The following SLCO1C1 variants were observed in gnomAD, a reference collection of about 807,000 sequenced individuals.
SLCO1C1 encodes the protein solute carrier organic anion transporter family member 1C1, also known as OAT-RP-5.
SLCO1C1 carries 70 observed loss-of-function variants against 76.4 expected under a neutral mutation model. The ratio of observed to expected loss-of-function variants is 0.92; its 90% CI spans 0.76 to 1.12. The LOEUF is 1.12. Ranked by LOEUF, SLCO1C1 falls within the 50% of genes most tolerant of loss-of-function variation. The pLI is 0.00. For missense variants in SLCO1C1, 912 were observed against 823.8 expected (o/e 1.11, Z -1.31); for synonymous variants, 306 against 286.1 (o/e 1.07, Z -0.70).
intron 3 of SLCO1C1, among the ~76,000 whole-genome samples, chr12:20,702,645 G>A (rs530922646): frequency 1.1e-4 from 16 of 151,678 alleles, no homozygotes; most frequent in Admixed American, 4.0e-4. Context: ...AGATTGGCCC[G>A]GATGGTTGAT....
Position 20,706,080 on chromosome 12 carries a change from C to T in SLCO1C1, c.403C>T (p.Gln135Ter). ...LIAMPQFFMEQYKYERYSPSS... is the reference protein window; with the variant it reads ...LIAMPQFFME ...TGCAATGCCTCAGTTCTTCATGGAGCAGTAAGTCTAAAGCAATCATCTTTT... is the reference window on the plus strand; with the variant it reads ...TGCAATGCCTCAGTTCTTCATGGAGTAGTAAGTCTAAAGCAATCATCTTTT... Residue 135 changes from glutamine (Q) to a stop codon, truncating the protein, a stop_gained and splice_region_variant, in exon 4 of 15, where the codon CAG (glutamine) becomes TAG (stop). Coordinates refer to ENST00000266509, the MANE Select transcript of SLCO1C1 (RefSeq NM_017435.5). LOFTEE classifies it high-confidence loss of function. 1 of 1,610,954 alleles carries T rather than the reference C, an allele frequency of 6.2e-7. No homozygotes were observed. The highest frequency in any genetic ancestry group is 1.1e-5 in the South Asian group (1 of 90,620).
chr12:20,747,086 A>G (rs566594588), intron 13 of SLCO1C1, among the ~76,000 whole-genome samples: 52 of 152,332 alleles, frequency 3.4e-4, no homozygotes, highest in African/African-American at 1.2e-3. Context: ...TGAAATATAC[A>G]TAATTGAAAT....
At chr12:20,699,430 G>A (rs1946413331) in intron 1 of SLCO1C1, 122 bp from the exon 2 acceptor site, 3 of 803,798 alleles carry the variant, frequency 3.7e-6, no homozygotes, top group Middle Eastern at 4.0e-4. Context: ...AACTTACTGT[G>A]ACAACAAAAG....
At chr12:20,750,994 ACCC>A in intron 14 of SLCO1C1, 1 of 978,936 alleles carries the variant, frequency 1.0e-6, no homozygotes. Context: ...CATTACCTTG[ACCC>A]CCATTTTAAA....
chr12:20,702,186 T>G (rs1946558307), intron 3 of SLCO1C1, among the ~76,000 whole-genome samples: 1 of 151,972 alleles, frequency 6.6e-6, no homozygotes, highest in African/African-American at 2.4e-5. Flanking sequence ...AAGGCTTGTT[T>G]AGATTCAGAT....
At chr12:20,740,787 T>TATATATATATATATATATATATATATA (rs1565541668) in intron 12 of SLCO1C1, among the ~76,000 whole-genome samples, 4 of 75,058 alleles carry the variant, frequency 5.3e-5, no homozygotes, top group African/African-American at 5.4e-5. Flanking sequence ...TTTATTTTAT[T>TATATATATATATATATATATATATATA]TATATATATA....
intron 9 of SLCO1C1, among the ~76,000 whole-genome samples, chr12:20,725,227 G>T (rs7969673): frequency 0.64 from 85,605 of 134,778 alleles, 27,877 homozygotes; most frequent in East Asian, 0.96. Flanking sequence ...TATAGTTAAA[G>T]AAAGAAAAAA....
chr12:20,711,529 C>T lies in SLCO1C1; in HGVS notation c.529+19C>T. 2 of 1,609,520 alleles carry T rather than the reference C, an allele frequency of 1.2e-6. No individual in the cohort carries two copies. Among genetic ancestry groups the T allele is most frequent in the East Asian group, 2.2e-5 (1 of 44,788 alleles). The stretch of plus-strand genomic sequence containing the variant: ...AGTAACGGTAAGATCATTTTTTTGA[C>T]TTGACTAAACAAGCTTTTAAAAAAA... On this transcript the variant is annotated intron_variant, in intron 5 of 14. Transcript: ENST00000266509.
intron 10 of SLCO1C1, among the ~76,000 whole-genome samples, chr12:20,736,225 G>T (rs1038149698): frequency 6.6e-6 from 1 of 151,398 alleles, no homozygotes; most frequent in Non-Finnish European, 1.5e-5. Flanking sequence ...AGAGAATACT[G>T]GGAGAGATGA....
chr12:20,722,213 G>A (rs1372408069), intron 8 of SLCO1C1, among the ~76,000 whole-genome samples, 164 bp downstream of exon 8: 1 of 152,216 alleles, frequency 6.6e-6, no homozygotes, highest in Admixed American at 6.5e-5. Flanking sequence ...ACAACTGATT[G>A]CAGTACACGA....
Position 20,737,214 on chromosome 12 carries a change from C to T in SLCO1C1, c.1490C>T (p.Thr497Ile). The change falls in exon 11 of 15, where the codon ACA (threonine) becomes ATA (isoleucine). Residue 497 changes from threonine (T) to isoleucine (I), a missense_variant. Thr to Ile is a moderately conservative substitution (Grantham distance 89, BLOSUM62 -1). Transcript: ENST00000266509. Reference sequence around the variant, plus strand: ...CCCATGTGCGGTGAAAATGGAATCACATATGTATCAGCTTGTCTTGCTGGT... The same window carrying T: ...CCCATGTGCGGTGAAAATGGAATCATATATGTATCAGCTTGTCTTGCTGGT... ...WEPMCGENGI[T>I]YVSACLAGCQ... 2 of 1,570,712 alleles carry T rather than the reference C, an allele frequency of 1.3e-6. No homozygotes were observed. Among genetic ancestry groups the T allele is most frequent in the Non-Finnish European group, 1.7e-6 (2 of 1,165,568 alleles).
At chr12:20,736,137 G>A (rs373702030) in intron 10 of SLCO1C1, among the ~76,000 whole-genome samples, 1 of 151,794 alleles carries the variant, frequency 6.6e-6, no homozygotes. Context: ...GAGAAGAGTA[G>A]AGGAATATGA....
In SLCO1C1 at chr12:20,723,027, G is replaced by A. The variant is rs746873941; in HGVS notation, c.1022-63G>A. 69 of 1,457,568 alleles carry A rather than the reference G, an allele frequency of 4.7e-5. 1 individual carries two copies. Among genetic ancestry groups the A allele is most frequent in the South Asian group, 8.9e-5 (7 of 78,560 alleles). The allele number at this position is 1,457,568 out of a possible 1,614,324, so 90.3% of individuals were successfully genotyped here. ...CCAGCCCTGTAAGTCCTGCCAGCAC[G>A]GCTACTTCTTCTTCCATGCGTGACA... On this transcript the variant is annotated intron_variant, in intron 8 of 14. Coordinates refer to ENST00000266509, the MANE Select transcript of SLCO1C1 (RefSeq NM_017435.5).
chr12:20,726,880 T>C (rs1241312470), intron 9 of SLCO1C1, among the ~76,000 whole-genome samples: 1 of 152,186 alleles, frequency 6.6e-6, no homozygotes. Flanking sequence ...TCTCCAGTAG[T>C]TCCCATTGTC....
At position 20,715,656 on chromosome 12, in the gene SLCO1C1, C is replaced by T. The variant is rs192531373; in HGVS notation, c.676+371C>T. ...TATTTAAAAGTTTGTTCCTTGAGCC[C>T]TAGCTTTCCATTTGATAAGCCTTGA... is the stretch of plus-strand genomic sequence containing the variant. On this transcript the variant is annotated intron_variant, in intron 6 of 14. Transcript: ENST00000266509. Among the ~76,000 whole-genome samples the T allele has an allele frequency of 4.0e-5, 6 of 151,882 alleles. No homozygotes were observed. The East Asian group carries it at 9.7e-4, about 25-fold the overall frequency.
chr12:20,708,645 C>G (rs1441016520), intron 4 of SLCO1C1, among the ~76,000 whole-genome samples: 5 of 152,060 alleles, frequency 3.3e-5, no homozygotes, highest in Non-Finnish European at 7.4e-5. Flanking sequence ...ACAGTGAAGG[C>G]AAAGTTTCTT....
chr12:20,699,696 T>C lies in SLCO1C1; in HGVS notation c.120T>C (p.Gly40=). ...PSSEEKQPCC[G]ELKVFLCALS... ...CAGAAGAAAAGCAACCATGCTGTGGTGAACTAAAGGTAGAGCAACCAAGAA... is the reference window on the plus strand; with the variant it reads ...CAGAAGAAAAGCAACCATGCTGTGGCGAACTAAAGGTAGAGCAACCAAGAA... Residue 40 remains glycine, a synonymous_variant, in exon 2 of 15, where the codon GGT becomes GGC. Transcript: ENST00000266509. The C allele has an allele frequency of 6.2e-7, 1 of 1,610,248 alleles. No individual in the cohort carries two copies. The highest frequency in any genetic ancestry group is 8.5e-7 in the Non-Finnish European group (1 of 1,178,278).
At chr12:20,697,068 T>G (rs982261648) in intron 1 of SLCO1C1, 1 of 152,090 alleles carries the variant, frequency 6.6e-6, no homozygotes, top group Non-Finnish European at 1.5e-5. Context: ...TGCTATAGTA[T>G]CTCAAGTTTT....
Position 20,713,153 on chromosome 12 carries a change from C to T in SLCO1C1, c.529+1643C>T, listed in dbSNP as rs1222559562. Reference sequence around the variant, plus strand: ...GGAGTGCAGTGGCGCGATCTCGGCTCACTGCAAGCTCCGCCTCCCGGGTTC... The same window carrying T: ...GGAGTGCAGTGGCGCGATCTCGGCTTACTGCAAGCTCCGCCTCCCGGGTTC... On this transcript the variant is annotated intron_variant, in intron 5 of 14. Transcript: ENST00000266509. Among the ~76,000 whole-genome samples, 10 of 149,546 alleles carry T rather than the reference C, an allele frequency of 6.7e-5. No individual in the cohort carries two copies. In the East Asian group the frequency reaches 2.0e-3, roughly 30 times the overall value.
Sources: allele counts gnomAD v4.1 joint callset (sites outside exome capture counted in the v4.1 genomes callset), GRCh38; gene constraint gnomAD v4.1.1; transcripts MANE v1.5; gene names NCBI Gene and HGNC (gene_info 2026-07-23, HGNC 2026-07-21).